HIP1: variants seen among roughly 807,000 people sequenced by gnomAD.
HIP1 encodes the protein huntingtin-interacting protein 1.
HIP1 carries 65 observed loss-of-function variants against 147.6 expected under a neutral mutation model. The ratio of observed to expected loss-of-function variants is 0.44; its 90% CI spans 0.36 to 0.54. HIP1 has a LOEUF of 0.54. Ranked by LOEUF, HIP1 falls within the 20% of genes least tolerant of loss-of-function variation. The pLI is 0.00. For synonymous variants in HIP1, 479 were observed against 504.0 expected, an observed-to-expected ratio of 0.95 and a Z score of 0.67; for missense variants, 1,061 against 1,299.6, an observed-to-expected ratio of 0.82 and a Z score of 2.82.
intron 1 of HIP1, among the ~76,000 whole-genome samples, chr7:75,737,641 C>T (rs559717872): frequency 3.9e-5 from 6 of 152,136 alleles, no homozygotes; most frequent in Non-Finnish European, 5.9e-5. Flanking sequence ...GTACCGCGCC[C>T]GGCCAAAAGC....
In HIP1 at chr7:75,602,303, CTTTTTTTTTTTTTTT is replaced by C. The variant is rs67019261; in HGVS notation, c.121-3071_121-3057del. On this transcript the variant is annotated intron_variant, in intron 1 of 30. Transcript: ENST00000336926. ...GGCGTGAGCCACAGCACCTGGCCAG[CTTTTTTTTTTTTTTT>C]TTTTTTTTTTTTTTCAAAAGAGATA... Among the ~76,000 whole-genome samples the C allele has an allele frequency of 6.7e-3, 515 of 77,272 alleles. 11 individuals carry two copies. Among genetic ancestry groups the C allele is most frequent in the African/African-American group, 0.027 (484 of 18,110 alleles). 50.7% of individuals were successfully genotyped at this position (77,272 alleles called of 152,430 possible).
intron 7 of HIP1, 141 bp downstream of exon 7, chr7:75,581,096 C>G (rs1300731374): frequency 1.5e-4 from 99 of 645,594 alleles, no homozygotes; most frequent in Non-Finnish European, 2.8e-6. Flanking sequence ...CCTCCCTGCA[C>G]GAGGGTTGGA....
At chr7:75,612,805 A>G (rs1797490625) in intron 1 of HIP1, among the ~76,000 whole-genome samples, 1 of 151,854 alleles carries the variant, frequency 6.6e-6, no homozygotes, top group African/African-American at 2.4e-5. Context: ...GTGAAACTCC[A>G]TCTCAAATAA....
intron 4 of HIP1, among the ~76,000 whole-genome samples, chr7:75,590,858 G>T (rs587669472): frequency 6.6e-6 from 1 of 152,248 alleles, no homozygotes; most frequent in African/African-American, 2.4e-5. Context: ...GTGACTTTAG[G>T]ACAAGCTGCT....
At chr7:75,655,775 T>C (rs2117198808) in intron 1 of HIP1, among the ~76,000 whole-genome samples, 2 of 152,198 alleles carry the variant, frequency 1.3e-5, no homozygotes, top group South Asian at 4.1e-4. Context: ...ATAGCAGTGA[T>C]TGTTGTACAG....
At chr7:75,670,130 C>T (rs891186096) in intron 1 of HIP1, among the ~76,000 whole-genome samples, 2 of 149,894 alleles carry the variant, frequency 1.3e-5, no homozygotes, top group African/African-American at 2.5e-5. Context: ...ATAAAATATA[C>T]ATAAAATTTA....
chr7:75,698,117 C>T (rs1424493731), intron 1 of HIP1, among the ~76,000 whole-genome samples: 1 of 152,146 alleles, frequency 6.6e-6, no homozygotes, highest in African/African-American at 2.4e-5. Context: ...CCATGTCCAG[C>T]CCAGTTTTAT....
At chr7:75,569,830 G>A (rs1554496230) in intron 8 of HIP1, among the ~76,000 whole-genome samples, 2 of 152,104 alleles carry the variant, frequency 1.3e-5, no homozygotes. Flanking sequence ...ATAGCCAAGA[G>A]GAACCTAAGG....
intron 1 of HIP1, chr7:75,638,974 A>G (rs1478578145): frequency 3.9e-6 from 2 of 516,850 alleles, no homozygotes; most frequent in African/African-American, 2.1e-5. Context: ...CGCGCCGGCT[A>G]GGAGGGGGAG....
intron 1 of HIP1, among the ~76,000 whole-genome samples, chr7:75,605,100 C>T (rs1307755110): frequency 6.6e-6 from 1 of 152,136 alleles, no homozygotes; most frequent in Non-Finnish European, 1.5e-5. Flanking sequence ...CCAGCCATTA[C>T]CCACTTCTGT....
rs1800258496 is a variant in HIP1, at chr7:75,686,260, CTTTA to C, written c.120+52537_120+52540del. On this transcript the variant is annotated intron_variant, in intron 1 of 30. Coordinates refer to ENST00000336926, the MANE Select transcript of HIP1 (RefSeq NM_005338.7). The stretch of plus-strand genomic sequence containing the variant: ...GGTTGTCAATTTTATCAACATCTTC[CTTTA>C]TTTATATGCTTTTGGTGTCTTAAGA... 2.0e-5 allele frequency among the ~76,000 whole-genome samples: 3 copies of C among 152,240 alleles called. No individual in the cohort carries two copies. The South Asian group carries it at 6.2e-4, about 32-fold the overall frequency.
At chr7:75,550,322 ACTTGTATGTGC>A (rs1554491866) in intron 22 of HIP1, among the ~76,000 whole-genome samples, 2 of 152,310 alleles carry the variant, frequency 1.3e-5, no homozygotes, top group Admixed American at 6.5e-5. Context: ...TCCTATTTGA[ACTTGTATGTGC>A]CCTGATTCTA....
At chr7:75,622,086 G>T (rs1797863262) in intron 1 of HIP1, among the ~76,000 whole-genome samples, 1 of 151,858 alleles carries the variant, frequency 6.6e-6, no homozygotes, top group Non-Finnish European at 1.5e-5. Flanking sequence ...TTCGAGACCA[G>T]CCTGGCCAAC....
At chr7:75,674,810 G>A (rs1325665551) in intron 1 of HIP1, among the ~76,000 whole-genome samples, 15 of 151,184 alleles carry the variant, frequency 9.9e-5, no homozygotes, top group African/African-American at 3.4e-4. Context: ...TTTTTAATGA[G>A]AAGCCAGCTG....
chr7:75,679,107 C>G (rs1554516485), intron 1 of HIP1, among the ~76,000 whole-genome samples: 1 of 151,868 alleles, frequency 6.6e-6, no homozygotes. Flanking sequence ...TATGACCCCC[C>G]TTCTTCCTTT....
intron 1 of HIP1, among the ~76,000 whole-genome samples, chr7:75,613,911 A>G (rs1797533606): frequency 6.6e-6 from 1 of 151,242 alleles, no homozygotes; most frequent in Non-Finnish European, 1.5e-5. Context: ...TCTTTTGTAG[A>G]GATGGGGTTT....
At chr7:75,558,277 T>TTA in intron 14 of HIP1, 22 bp from the exon 15 acceptor site, 1 of 1,591,886 alleles carries the variant, frequency 6.3e-7, no homozygotes, top group Non-Finnish European at 8.6e-7. Flanking sequence ...AGGACCAAGG[T>TTA]GAGGAGTCTA....
At chr7:75,737,840 G>T (rs138206758) in intron 1 of HIP1, among the ~76,000 whole-genome samples, 249 of 152,312 alleles carry the variant, frequency 1.6e-3, no homozygotes, top group African/African-American at 5.6e-3. Flanking sequence ...CTGAGCACAA[G>T]AGTGTAGAAG....
chr7:75,673,883 G>A (rs1334166424), intron 1 of HIP1, among the ~76,000 whole-genome samples: 2 of 151,268 alleles, frequency 1.3e-5, no homozygotes, highest in African/African-American at 4.9e-5. Context: ...CTACTCGAGA[G>A]GCTGAGGTTG....
Sources: allele counts gnomAD v4.1 joint callset (sites outside exome capture counted in the v4.1 genomes callset), GRCh38; gene constraint gnomAD v4.1.1; transcripts MANE v1.5; gene names NCBI Gene and HGNC (gene_info 2026-07-23, HGNC 2026-07-21).